Variants in CNTNAP3B observed in about 807,000 individuals in gnomAD.
CNTNAP3B encodes the protein contactin-associated protein-like 3B.
Under a neutral mutation model 108.9 loss-of-function variants are expected in CNTNAP3B, and 25 were observed. That is an observed-to-expected ratio of 0.23 (90% CI 0.17 to 0.32). CNTNAP3B has a LOEUF of 0.32. Ranked by LOEUF, CNTNAP3B falls within the 10% of genes least tolerant of loss-of-function variation. CNTNAP3B has a pLI of 1.00. For missense variants in CNTNAP3B, 252 were observed against 1,210.4 expected (o/e 0.21, Z 11.75); for synonymous variants, 103 against 473.4 (o/e 0.22, Z 10.16).
At chr9:41,967,534 T>A (rs572106919) in intron 10 of CNTNAP3B, among the ~76,000 whole-genome samples, 340 of 152,270 alleles carry the variant, frequency 2.2e-3, no homozygotes, top group Non-Finnish European at 4.1e-3. Context: ...TACAATTAGA[T>A]TTTTGTTTGT....
At chr9:41,917,948 G>A (rs1823563263) in intron 18 of CNTNAP3B, among the ~76,000 whole-genome samples, 1 of 152,306 alleles carries the variant, frequency 6.6e-6, no homozygotes, top group Admixed American at 6.5e-5. Flanking sequence ...TGGCTTAAAT[G>A]CCTCAAACTC....
intron 15 of CNTNAP3B, among the ~76,000 whole-genome samples, chr9:41,925,315 T>C (rs543734287): frequency 6.6e-5 from 10 of 152,232 alleles, no homozygotes; most frequent in African/African-American, 2.2e-4. Flanking sequence ...TTTTCTCGGC[T>C]AGGCGCAGTG....
intron 2 of CNTNAP3B, among the ~76,000 whole-genome samples, chr9:42,089,108 C>A (rs1454282029): frequency 1.2e-5 from 1 of 81,434 alleles, no homozygotes. Context: ...ATCTCAGTTA[C>A]TTGGGACAAG....
intron 1 of CNTNAP3B, among the ~76,000 whole-genome samples, chr9:42,113,740 G>A (rs1318417508): frequency 7.2e-6 from 1 of 139,034 alleles, no homozygotes; most frequent in Non-Finnish European, 1.5e-5. Context: ...TAACACAAGA[G>A]GTGACTATAG....
intron 3 of CNTNAP3B, among the ~76,000 whole-genome samples, chr9:42,035,978 C>T (rs1465516942): frequency 1.4e-5 from 2 of 143,212 alleles, no homozygotes; most frequent in African/African-American, 5.4e-5. Context: ...CATGGTGGCG[C>T]ATGCCTGTAG....
chr9:42,032,124 CT>C (rs1826533324), intron 3 of CNTNAP3B, among the ~76,000 whole-genome samples: 1 of 113,712 alleles, frequency 8.8e-6, no homozygotes, highest in East Asian at 3.0e-4. Context: ...TGCATGACGC[CT>C]TTTTTTCTGG....
At chr9:42,030,808 AG>A (rs1826508247) in intron 3 of CNTNAP3B, among the ~76,000 whole-genome samples, 1 of 85,298 alleles carries the variant, frequency 1.2e-5, no homozygotes, top group African/African-American at 5.1e-5. Context: ...AGAGAGAGAG[AG>A]AGAGGAGAGA....
At chr9:42,087,604 T>A (rs530999695) in intron 2 of CNTNAP3B, among the ~76,000 whole-genome samples, 2 of 144,562 alleles carry the variant, frequency 1.4e-5, no homozygotes, top group South Asian at 4.6e-4. Flanking sequence ...TTGTTGTTTG[T>A]GGTGCCATGA....
At chr9:42,070,969 T>TA (rs1343279118) in intron 3 of CNTNAP3B, among the ~76,000 whole-genome samples, 5 of 150,734 alleles carry the variant, frequency 3.3e-5, no homozygotes, top group Non-Finnish European at 5.9e-5. Flanking sequence ...TCAACACTGA[T>TA]AAAGACCAGT....
In CNTNAP3B at chr9:42,107,969, C is replaced by T. The variant is rs1325695839; in HGVS notation, c.86-3230G>A. 9.6e-5 allele frequency among the ~76,000 whole-genome samples: 9 copies of T among 93,842 alleles called. 1 individual carries two copies. Among genetic ancestry groups the T allele is most frequent in the African/African-American group, 1.3e-4 (3 of 23,618 alleles). The allele number at this position is 93,842 out of a possible 152,430, so 61.6% of individuals were successfully genotyped here. A position where few individuals can be genotyped will look rare whatever the true frequency, so the allele number is the denominator to read the frequency against. On this transcript the variant is annotated intron_variant, in intron 1 of 23. Coordinates refer to ENST00000377561, the MANE Select transcript of CNTNAP3B (RefSeq NM_001201380.3). ...TAGGCTGGGCGACAGAGAAAGACTC[C>T]GTCTTAAAAAAAAAAAAAAGAAAGA...
intron 2 of CNTNAP3B, among the ~76,000 whole-genome samples, chr9:42,096,139 G>T (rs1827894540): frequency 7.1e-6 from 1 of 140,022 alleles, no homozygotes. Flanking sequence ...ATGTGCCGCA[G>T]CACAATGAGG....
intron 2 of CNTNAP3B, among the ~76,000 whole-genome samples, chr9:42,091,922 TAA>T (rs1488558868): frequency 4.4e-5 from 5 of 112,984 alleles, no homozygotes; most frequent in Non-Finnish European, 7.4e-5. Flanking sequence ...CCCATAAAGC[TAA>T]GTTTTCTAAA....
At chr9:42,043,213 G>A (rs1302690150) in intron 3 of CNTNAP3B, among the ~76,000 whole-genome samples, 1 of 108,236 alleles carries the variant, frequency 9.2e-6, no homozygotes, top group Non-Finnish European at 1.9e-5. Context: ...CTTTGCCCAG[G>A]TTGGAGTGCA....
At chr9:42,095,141 A>G (rs540438323) in intron 2 of CNTNAP3B, among the ~76,000 whole-genome samples, 1 of 135,812 alleles carries the variant, frequency 7.4e-6, no homozygotes, top group African/African-American at 3.1e-5. Context: ...ACCCAAAACT[A>G]TGTACCTACT....
intron 1 of CNTNAP3B, among the ~76,000 whole-genome samples, chr9:42,122,306 G>A (rs972437048): frequency 1.4e-5 from 2 of 139,342 alleles, no homozygotes; most frequent in African/African-American, 5.7e-5. Context: ...TCCTTTGTTA[G>A]TGGACAAGAA....
In CNTNAP3B at chr9:42,108,096, C is replaced by A. The variant is rs1290357577; in HGVS notation, c.86-3357G>T. Among the ~76,000 whole-genome samples, 7 of 138,974 alleles carry A rather than the reference C, an allele frequency of 5.0e-5. 1 individual carries two copies. The highest frequency in any genetic ancestry group is 1.1e-4 in the Non-Finnish European group (7 of 64,894). The allele number at this position is 138,974 out of a possible 152,430, so 91.2% of individuals were successfully genotyped here. On this transcript the variant is annotated intron_variant, in intron 1 of 23. Coordinates refer to ENST00000377561, the MANE Select transcript of CNTNAP3B (RefSeq NM_001201380.3). ...TCATTTTGAATTCTGTGAACACTTT[C>A]TTTCTAGAAAGAATTGTACACTACT...
chr9:41,924,548 A>G (rs1420512448), intron 15 of CNTNAP3B, among the ~76,000 whole-genome samples: 1 of 152,240 alleles, frequency 6.6e-6, no homozygotes, highest in African/African-American at 2.4e-5. Flanking sequence ...GACATGTTTC[A>G]TTTGAGATAT....
At chr9:41,948,513 T>C (rs1157914146) in intron 13 of CNTNAP3B, among the ~76,000 whole-genome samples, 5 of 146,092 alleles carry the variant, frequency 3.4e-5, no homozygotes, top group Non-Finnish European at 7.6e-5. Context: ...GTCCTGATAC[T>C]GAAACCAGAT....
intron 1 of CNTNAP3B, among the ~76,000 whole-genome samples, chr9:42,115,911 C>T (rs1487916499): frequency 7.8e-6 from 1 of 128,568 alleles, no homozygotes; most frequent in East Asian, 2.4e-4. Flanking sequence ...TCGGTAATAA[C>T]AAACTTCTCC....
Sources: gnomAD v4.1 joint callset for allele counts (sites outside exome capture counted in the v4.1 genomes callset) on GRCh38, gnomAD v4.1.1 for gene constraint, MANE v1.5 for transcripts, NCBI Gene and HGNC (gene_info 2026-07-23, HGNC 2026-07-21) for gene names.